Variants in AGO1 observed in about 807,000 individuals in gnomAD.
AGO1 encodes the protein protein argonaute-1.
Under a neutral mutation model 109.2 loss-of-function variants are expected in AGO1, and 11 were observed. The ratio of observed to expected loss-of-function variants is 0.10; its 90% CI spans 0.06 to 0.17. The LOEUF is 0.17. Ranked by LOEUF, AGO1 falls within the 10% of genes least tolerant of loss-of-function variation. The pLI, the probability that AGO1 is intolerant of heterozygous loss-of-function variation, is 1.00. For synonymous variants in AGO1, 422 were observed against 418.6 expected, an observed-to-expected ratio of 1.01 and a Z score of -0.10; for missense variants, 574 against 1,140.3, an observed-to-expected ratio of 0.50 and a Z score of 7.15.
intron 2 of AGO1, among the ~76,000 whole-genome samples, chr1:35,890,086 G>A (rs529185341): frequency 3.8e-4 from 58 of 150,698 alleles, no homozygotes; most frequent in Middle Eastern, 7.0e-3. Context: ...GCAGTGGCGT[G>A]ATCTCGGCTC....
intron 10 of AGO1, 26 bp downstream of exon 10, chr1:35,902,096 A>G: frequency 6.3e-7 from 1 of 1,588,544 alleles, no homozygotes; most frequent in Non-Finnish European, 8.6e-7. Context: ...GCCAGACAAC[A>G]TCTCGGGGCA....
At position 35,888,578 on chromosome 1, in the gene AGO1, C is replaced by A; in HGVS notation, c.177C>A (p.Ile59=). The A allele has an allele frequency of 1.2e-6, 2 of 1,614,244 alleles. No individual in the cohort carries two copies. ...KIDVYHYEVD[I]KPDKCPRRVN... ...ACGTGTACCACTACGAGGTGGACAT[C>A]AAGCCGGATAAGTGTCCCCGTAGAG... is the stretch of plus-strand genomic sequence containing the variant. Residue 59 remains isoleucine, a synonymous_variant, in exon 2 of 19, where the codon ATC becomes ATA. Coordinates refer to ENST00000373204, the MANE Select transcript of AGO1 (RefSeq NM_012199.5). The surrounding 1 kb of genome is among the most constrained non-coding windows in gnomAD (Gnocchi z 4.1).
rs1390797034 is a variant in AGO1 at position 35,921,649 on chromosome 1, A to G, written c.*2042A>G. On this transcript the variant is annotated 3_prime_UTR_variant, in exon 19 of 19. Coordinates refer to ENST00000373204, the MANE Select transcript of AGO1 (RefSeq NM_012199.5). ...TGCCCTTGTATGACCCGGATTTGCTATGCAAAACAATCTATCCCAGGTTCT... is the reference window on the plus strand; with the variant it reads ...TGCCCTTGTATGACCCGGATTTGCTGTGCAAAACAATCTATCCCAGGTTCT... 3 of 152,702 alleles carry G rather than the reference A, an allele frequency of 2.0e-5. No individual in the cohort carries two copies. The highest frequency in any genetic ancestry group is 4.4e-5 in the Non-Finnish European group (3 of 68,084). The allele number at this position is 152,702 out of a possible 1,614,324, so 9.5% of individuals were successfully genotyped here.
At chr1:35,873,776 A>G (rs1304334200) in intron 1 of AGO1, 1 of 152,382 alleles carries the variant, frequency 6.6e-6, no homozygotes, top group Non-Finnish European at 1.5e-5. Context: ...AAAGCTTCAA[A>G]TCTAGTCTTG....
Position 35,919,421 on chromosome 1 carries a change from C to A in AGO1, c.2466-78C>A. 6.7e-7 allele frequency: 1 copy of A among 1,482,190 alleles called. No individual in the cohort carries two copies. Among genetic ancestry groups the A allele is most frequent in the Non-Finnish European group, 9.2e-7 (1 of 1,087,608 alleles). The allele number at this position is 1,482,190 out of a possible 1,614,324, so 91.8% of individuals were successfully genotyped here. On this transcript the variant is annotated intron_variant, in intron 18 of 18. Transcript: ENST00000373204. The surrounding 1 kb of genome is among the most constrained non-coding windows in gnomAD (Gnocchi z 6.6). ...TCTCTTAAGTTGGTATGGGAATTGGCATCCCAGGGCTGGGCGAGGGAATTA... is the reference window on the plus strand; with the variant it reads ...TCTCTTAAGTTGGTATGGGAATTGGAATCCCAGGGCTGGGCGAGGGAATTA...
At position 35,893,336 on chromosome 1, in the gene AGO1, G is replaced by T. The variant is rs1433461195; in HGVS notation, c.512+58G>T. 1.9e-6 allele frequency: 3 copies of T among 1,556,436 alleles called. No individual in the cohort carries two copies. The African/African-American group carries it at 4.1e-5, about 21-fold the overall frequency. On this transcript the variant is annotated intron_variant, in intron 4 of 18. Transcript: ENST00000373204. This position sits in a 1 kb window ranked among gnomAD's most constrained non-coding sequence, Gnocchi z 5.6. ...TGTTGGCAGAACTGCTGTCAGGGGA[G>T]GAGGGGGAGCACATATTAAGGTCCC...
chr1:35,890,172 A>G (rs946875907), intron 2 of AGO1, among the ~76,000 whole-genome samples: 51 of 150,470 alleles, frequency 3.4e-4, no homozygotes, highest in Non-Finnish European at 2.1e-4. Flanking sequence ...ACAGGCACCC[A>G]CCACCACGCC....
At position 35,924,001 on chromosome 1, in the gene AGO1, G is replaced by C. The variant is rs946087269; in HGVS notation, c.*4394G>C. 1.3e-5 allele frequency: 2 copies of C among 152,680 alleles called. No individual in the cohort carries two copies. Among genetic ancestry groups the C allele is most frequent in the African/African-American group, 4.8e-5 (2 of 41,460 alleles). 9.5% of individuals were successfully genotyped at this position (152,680 alleles called of 1,614,324 possible). Reference sequence around the variant, plus strand: ...GTGATGTTGCACTTAGCAGCCATGTGGTGGGCATGTGTGACTACTCTGGTT... The same window carrying C: ...GTGATGTTGCACTTAGCAGCCATGTCGTGGGCATGTGTGACTACTCTGGTT... On this transcript the variant is annotated 3_prime_UTR_variant, in exon 19 of 19. Transcript: ENST00000373204.
At chr1:35,876,968 T>A (rs1029144067) in intron 1 of AGO1, among the ~76,000 whole-genome samples, 2 of 152,280 alleles carry the variant, frequency 1.3e-5, no homozygotes, top group Admixed American at 1.3e-4. Flanking sequence ...TTCTATTTTT[T>A]GTAGAGAGGG....
At chr1:35,880,903 G>T (rs140179956), upstream of AGO1, among the ~76,000 whole-genome samples, 31 of 152,166 alleles carry the variant, frequency 2.0e-4, 1 homozygote, top group East Asian at 5.8e-3. Context: ...CAGGTGATCT[G>T]CCTGCCTTGG....
At chr1:35,910,292 G>A (rs896490946) in intron 12 of AGO1, among the ~76,000 whole-genome samples, 13 of 151,666 alleles carry the variant, frequency 8.6e-5, no homozygotes, top group South Asian at 6.2e-4. Flanking sequence ...CCCTGAGAGC[G>A]TAGAAGGACA....
chr1:35,882,780 A>G (rs1645050443), upstream of AGO1: 1 of 984,644 alleles, frequency 1.0e-6, no homozygotes, highest in Non-Finnish European at 1.2e-6. This position sits in a 1 kb window ranked among gnomAD's most constrained non-coding sequence, Gnocchi z 5.1. Context: ...TCGTGGAGGC[A>G]GTCGCTTTGC....
chr1:35,901,565 C>T lies in AGO1; in HGVS notation c.1112C>T (p.Pro371Leu). 6.2e-7 allele frequency: 1 copy of T among 1,614,162 alleles called. No individual in the cohort carries two copies. The highest frequency in any genetic ancestry group is 8.5e-7 in the Non-Finnish European group (1 of 1,180,010). ...TMIKATARSAPDRQEEISRLM... is the reference protein window; with the variant it reads ...TMIKATARSALDRQEEISRLM... Reference sequence around the variant, plus strand: ...ATAAAGGCCACAGCTAGATCCGCTCCAGACAGACAGGAGGAGATCAGTCGC... The same window carrying T: ...ATAAAGGCCACAGCTAGATCCGCTCTAGACAGACAGGAGGAGATCAGTCGC... Residue 371 changes from proline (P) to leucine (L), a missense_variant, in exon 9 of 19, where the codon CCA becomes CTA. Pro to Leu is a moderately conservative substitution (Grantham distance 98). Coordinates refer to ENST00000373204, the MANE Select transcript of AGO1 (RefSeq NM_012199.5). The surrounding 1 kb of genome is among the most constrained non-coding windows in gnomAD (Gnocchi z 4.8).
chr1:35,906,806 A>G, intron 11 of AGO1, 129 bp from the exon 12 acceptor site: 2 of 729,406 alleles, frequency 2.7e-6, no homozygotes, highest in East Asian at 5.6e-5. Flanking sequence ...CCCTGTCTCA[A>G]GGAAAAAAAA....
chr1:35,895,033 A>G (rs1272064943), intron 7 of AGO1, 89 bp from the exon 8 acceptor site: 7 of 1,460,678 alleles, frequency 4.8e-6, no homozygotes, highest in Non-Finnish European at 3.6e-6. Context: ...GAAAAAGGAA[A>G]AAATCTGAGG....
upstream of AGO1, among the ~76,000 whole-genome samples, chr1:35,881,770 G>A (rs909367708): frequency 1.3e-5 from 2 of 152,238 alleles, no homozygotes; most frequent in African/African-American, 4.8e-5. Flanking sequence ...CCCAGCCTCT[G>A]CATGGCATCT....
intron 1 of AGO1, among the ~76,000 whole-genome samples, chr1:35,870,401 A>G (rs1295820106): frequency 1.3e-5 from 2 of 151,600 alleles, no homozygotes; most frequent in African/African-American, 4.8e-5. Flanking sequence ...CTCTTGCCTC[A>G]GCCTCCCGAG....
intron 15 of AGO1, among the ~76,000 whole-genome samples, chr1:35,915,782 C>T (rs1189237277): frequency 2.0e-5 from 3 of 152,172 alleles, no homozygotes; most frequent in African/African-American, 7.2e-5. Context: ...ATGTTGGAGA[C>T]TGATTGTTTA....
upstream of AGO1, among the ~76,000 whole-genome samples, chr1:35,879,221 G>A (rs1038876808): frequency 6.6e-6 from 1 of 152,128 alleles, no homozygotes; most frequent in African/African-American, 2.4e-5. Context: ...AGGCCGAGGC[G>A]GGTGGATCAC....
Sources: allele counts gnomAD v4.1 joint callset (sites outside exome capture counted in the v4.1 genomes callset), GRCh38; gene constraint gnomAD v4.1.1; non-coding constraint Gnocchi (gnomAD v3.1); transcripts MANE v1.5; gene names NCBI Gene and HGNC (gene_info 2026-07-23, HGNC 2026-07-21).